The following HS6ST2 variants were observed in gnomAD, a reference collection of about 807,000 sequenced individuals.
The protein encoded by HS6ST2 is heparan sulfate 6-O-sulfotransferase 2, also known as heparan-sulfate 6-O-sulfotransferase 2.
A neutral mutation model predicts 33.0 loss-of-function variants in HS6ST2; 17 were observed. That is an observed-to-expected ratio of 0.52 (90% CI 0.35 to 0.77). HS6ST2 has a LOEUF of 0.77. Ranked by LOEUF, HS6ST2 falls within the 30% of genes least tolerant of loss-of-function variation. The pLI, the probability that HS6ST2 is intolerant of heterozygous loss-of-function variation, is 0.01. For missense variants in HS6ST2, 519 were observed against 551.7 expected (o/e 0.94, Z 0.59); for synonymous variants, 248 against 237.1 (o/e 1.05, Z -0.42).
intron 2 of HS6ST2, among the ~76,000 whole-genome samples, chrX:132,818,097 A>ATTT (rs2065412543): frequency 9.0e-6 from 1 of 111,588 alleles, no homozygotes; most frequent in South Asian, 3.8e-4. Context: ...TACAAAACCT[A>ATTT]GGTGAAGAGC....
At position 132,933,725 on chromosome X, in the gene HS6ST2, G is replaced by A. The variant is rs190877025; in HGVS notation, c.947+23083C>T. Among the ~76,000 whole-genome samples, 14 of 111,727 alleles carry A rather than the reference G, an allele frequency of 1.3e-4. No homozygotes were observed. In the East Asian group the frequency reaches 3.9e-3, roughly 32 times the overall value. ...AATTCTTAAAAGCAGTAAGAGAAAA[G>A]TGACCCATCACACAGAGGAACCTCA... On this transcript the variant is annotated intron_variant, in intron 2 of 4. Coordinates refer to ENST00000370833, the MANE Select transcript of HS6ST2 (RefSeq NM_001394073.1).
At chrX:132,722,153 A>ACT (rs2064336703) in intron 2 of HS6ST2, among the ~76,000 whole-genome samples, 1 of 95,484 alleles carries the variant, frequency 1.0e-5, no homozygotes, top group Non-Finnish European at 2.0e-5. Context: ...GCGCCACTGC[A>ACT]CTCCAACCTG....
At chrX:132,640,374 C>T (rs190211870) in intron 4 of HS6ST2, among the ~76,000 whole-genome samples, 8 of 110,646 alleles carry the variant, frequency 7.2e-5, no homozygotes, top group East Asian at 5.7e-4. Context: ...TGACTAGGTG[C>T]GTGTATGGTG....
At chrX:132,672,228 G>A (rs963555317) in intron 3 of HS6ST2, among the ~76,000 whole-genome samples, 9 of 106,312 alleles carry the variant, frequency 8.5e-5, no homozygotes, top group African/African-American at 2.8e-4. Context: ...GAAACATCCC[G>A]CAATCCCAGG....
intron 2 of HS6ST2, among the ~76,000 whole-genome samples, chrX:132,940,264 T>C (rs1374666233): frequency 2.7e-5 from 3 of 112,516 alleles, no homozygotes. Flanking sequence ...ACCAATCTTA[T>C]GGGTGTGTCT....
At chrX:132,720,638 TA>T (rs200806114) in intron 2 of HS6ST2, among the ~76,000 whole-genome samples, 101 of 105,334 alleles carry the variant, frequency 9.6e-4, no homozygotes, top group African/African-American at 2.8e-3. Flanking sequence ...TGAGTTTATT[TA>T]AAAAAAAAAT....
intron 2 of HS6ST2, among the ~76,000 whole-genome samples, chrX:132,937,156 G>A (rs1397536432): frequency 9.0e-6 from 1 of 110,944 alleles, no homozygotes; most frequent in African/African-American, 3.3e-5. Flanking sequence ...TTTAATCAAG[G>A]AAGTAAAATA....
intron 2 of HS6ST2, among the ~76,000 whole-genome samples, chrX:132,914,025 C>T (rs1378485547): frequency 1.8e-5 from 2 of 112,015 alleles, no homozygotes; most frequent in East Asian, 5.6e-4. Context: ...AAATGCTGTC[C>T]TTTCACCCAG....
chrX:132,948,304 G>A (rs1312543875), intron 2 of HS6ST2, among the ~76,000 whole-genome samples: 2 of 111,836 alleles, frequency 1.8e-5, no homozygotes, highest in Non-Finnish European at 3.8e-5. Flanking sequence ...AATTGTGACT[G>A]AAAAAGAGCC....
At position 132,626,951 on chromosome X, in the gene HS6ST2, A is replaced by C. The variant is rs2063484006; in HGVS notation, c.*1272T>G. 8.9e-6 allele frequency: 1 copy of C among 112,544 alleles called. No individual in the cohort carries two copies. Among genetic ancestry groups the C allele is most frequent in the Non-Finnish European group, 1.9e-5 (1 of 53,267 alleles). 9.3% of individuals were successfully genotyped at this position (112,544 alleles called of 1,213,427 possible). On this transcript the variant is annotated 3_prime_UTR_variant, in exon 5 of 5. Transcript: ENST00000370833. ...ACTTTTTACTTTTGCTCTTTTCAAA[A>C]CAAAAACTTTGTAGAAGGGTTTGCC...
intron 2 of HS6ST2, among the ~76,000 whole-genome samples, chrX:132,884,791 A>G (rs1342161355): frequency 9.0e-6 from 1 of 111,362 alleles, no homozygotes; most frequent in Non-Finnish European, 1.9e-5. Flanking sequence ...AGAGGAGAAG[A>G]TGAAATGACT....
At chrX:132,904,668 C>T (rs1488533004) in intron 2 of HS6ST2, among the ~76,000 whole-genome samples, 1 of 104,003 alleles carries the variant, frequency 9.6e-6, no homozygotes, top group African/African-American at 3.4e-5. Flanking sequence ...GCTGGGACTA[C>T]AGGCCCACAC....
chrX:132,669,258 C>T, intron 3 of HS6ST2, 59 bp from the exon 4 acceptor site: 1 of 1,009,300 alleles, frequency 9.9e-7, no homozygotes. Context: ...AGACAAAAAG[C>T]AATTAGTCAC....
At chrX:132,737,899 C>T (rs1041420781) in intron 2 of HS6ST2, among the ~76,000 whole-genome samples, 13 of 112,355 alleles carry the variant, frequency 1.2e-4, no homozygotes, top group Non-Finnish European at 1.9e-5. Context: ...TGCCTCTGCA[C>T]CAGAGAAGAC....
intron 2 of HS6ST2, among the ~76,000 whole-genome samples, chrX:132,795,954 A>G (rs2065174446): frequency 9.0e-6 from 1 of 111,509 alleles, no homozygotes; most frequent in Non-Finnish European, 1.9e-5. Flanking sequence ...TCTTAGCTGT[A>G]TGACCTTGAA....
intron 2 of HS6ST2, among the ~76,000 whole-genome samples, chrX:132,912,650 A>G (rs1359477873): frequency 9.0e-6 from 1 of 111,428 alleles, no homozygotes; most frequent in African/African-American, 3.3e-5. Context: ...CCTTTTACTG[A>G]CCCATTGTAA....
chrX:132,858,779 T>C (rs2065879350), intron 2 of HS6ST2, among the ~76,000 whole-genome samples: 1 of 112,394 alleles, frequency 8.9e-6, no homozygotes, highest in Non-Finnish European at 1.9e-5. Flanking sequence ...CTCTCCCTTG[T>C]TCTGCAACAG....
At chrX:132,929,897 G>A (rs1249042871) in intron 2 of HS6ST2, among the ~76,000 whole-genome samples, 1 of 111,328 alleles carries the variant, frequency 9.0e-6, no homozygotes, top group Non-Finnish European at 1.9e-5. Flanking sequence ...CTTATTTCAG[G>A]AAGTCCCCCG....
At chrX:132,960,483 C>T (rs188548587), upstream of HS6ST2, among the ~76,000 whole-genome samples, 296 of 110,602 alleles carry the variant, frequency 2.7e-3, 1 homozygote, top group Middle Eastern at 0.019. Flanking sequence ...AGCTAAACTA[C>T]GGAGTTTCTA....
Sources: allele counts gnomAD v4.1 joint callset (sites outside exome capture counted in the v4.1 genomes callset), GRCh38; gene constraint gnomAD v4.1.1; transcripts MANE v1.5; gene names NCBI Gene and HGNC (gene_info 2026-07-23, HGNC 2026-07-21).